RFX1: variants seen among roughly 807,000 people sequenced by gnomAD.
The protein encoded by RFX1 is MHC class II regulatory factor RFX1.
A neutral mutation model predicts 119.6 loss-of-function variants in RFX1; 42 were observed. That is an observed-to-expected ratio of 0.35 (90% CI 0.27 to 0.45). The LOEUF (loss-of-function observed/expected upper bound fraction) is 0.45. Ranked by LOEUF, RFX1 falls within the 20% of genes least tolerant of loss-of-function variation. The probability of loss-of-function intolerance (pLI) is 1.00; values close to 1 mark genes in which losing one functional copy is unlikely to be tolerated. For missense variants in RFX1, 1,118 were observed against 1,368.1 expected (o/e 0.82, Z 2.88); for synonymous variants, 628 against 618.5 (o/e 1.02, Z -0.23).
chr19:13,981,051 C>A (rs946197894), intron 5 of RFX1, among the ~76,000 whole-genome samples: 1 of 152,232 alleles, frequency 6.6e-6, no homozygotes, highest in African/African-American at 2.4e-5. Flanking sequence ...AGACACTGCA[C>A]TGAGCGCTTT....
chr19:13,976,689 G>T (rs1042925875), intron 8 of RFX1, among the ~76,000 whole-genome samples: 1 of 152,220 alleles, frequency 6.6e-6, no homozygotes, highest in African/African-American at 2.4e-5. Context: ...AATGTCCTGC[G>T]TCTATTTCTG....
At chr19:14,005,195 C>A (rs1300594280) in intron 1 of RFX1, among the ~76,000 whole-genome samples, 1 of 152,200 alleles carries the variant, frequency 6.6e-6, no homozygotes, top group African/African-American at 2.4e-5. Flanking sequence ...CAAACAGCAG[C>A]CCAGAGAAAA....
At chr19:14,004,101 T>C (rs1408568725) in intron 1 of RFX1, among the ~76,000 whole-genome samples, 6 of 152,122 alleles carry the variant, frequency 3.9e-5, no homozygotes, top group Admixed American at 1.3e-4. Flanking sequence ...GGTTTCACCA[T>C]GTTGGCCGGG....
At chr19:13,964,357 T>A (rs986570866) in intron 16 of RFX1, among the ~76,000 whole-genome samples, 11 of 151,854 alleles carry the variant, frequency 7.2e-5, no homozygotes, top group African/African-American at 2.7e-4. Flanking sequence ...TCCCAAAATG[T>A]TGGGAGTGAG....
At chr19:13,971,887 TC>T (rs1232230005) in intron 9 of RFX1, among the ~76,000 whole-genome samples, 1 of 152,070 alleles carries the variant, frequency 6.6e-6, no homozygotes, top group African/African-American at 2.4e-5. Context: ...ACGCCTATAG[TC>T]CCAGCTACTC....
intron 8 of RFX1, among the ~76,000 whole-genome samples, chr19:13,973,554 G>A (rs1000765144): frequency 6.6e-6 from 1 of 152,130 alleles, no homozygotes; most frequent in African/African-American, 2.4e-5. Context: ...CAAGGTTGTA[G>A]TGAGCTATAA....
intron 7 of RFX1, among the ~76,000 whole-genome samples, chr19:13,978,842 G>A (rs1033946726): frequency 6.6e-6 from 1 of 152,140 alleles, no homozygotes; most frequent in Admixed American, 6.5e-5. Context: ...GCCGGGAGCC[G>A]GGACAGTGGC....
rs966566656 is a variant in RFX1 at position 14,005,068 on chromosome 19, C to G, written c.-53+1035G>C. On this transcript the variant is annotated intron_variant, in intron 1 of 20. Coordinates refer to ENST00000254325, the MANE Select transcript of RFX1 (RefSeq NM_002918.5). Reference sequence around the variant, plus strand: ...GGGTTTAAAAAATCTAAGAAACTTCCTCAGGCTTCATTTGCTCCCCCATTC... The same window carrying G: ...GGGTTTAAAAAATCTAAGAAACTTCGTCAGGCTTCATTTGCTCCCCCATTC... 3.3e-5 allele frequency among the ~76,000 whole-genome samples: 5 copies of G among 152,170 alleles called. No individual in the cohort carries two copies. The East Asian group carries it at 9.6e-4, about 29-fold the overall frequency.
intron 1 of RFX1, among the ~76,000 whole-genome samples, chr19:14,003,506 G>A (rs1043539806): frequency 3.9e-5 from 6 of 152,074 alleles, no homozygotes; most frequent in Admixed American, 6.6e-5. Flanking sequence ...AGCCAACGGT[G>A]TATTTCCGAG....
chr19:13,962,836 G>C lies in RFX1; in HGVS notation c.2799C>G (p.Ser933Arg), dbSNP rs1386839521. The change falls in exon 21 of 21, where the codon AGC becomes AGG. Residue 933 changes from serine (S) to arginine (R), a missense_variant. Ser to Arg is a moderately radical substitution (Grantham distance 110). This residue lies in a region of RFX1 where 138 missense variants were observed against 117.8 expected (regional missense o/e 1.17). Transcript: ENST00000254325. ...AGATGTCCTGCGGCAGCTCGTCCTC[G>C]CTCTCCTCCTCCTCTTCTTCCTCCT... Reference protein sequence around the residue: ...KDEEEEEEEESEDELPQDISL... With the variant: ...KDEEEEEEEEREDELPQDISL... 6.5e-7 allele frequency: 1 copy of C among 1,527,856 alleles called. No homozygotes were observed. Among genetic ancestry groups the C allele is most frequent in the East Asian group, 2.5e-5 (1 of 40,680 alleles). The allele number at this position is 1,527,856 out of a possible 1,614,324, so 94.6% of individuals were successfully genotyped here. A position where few individuals can be genotyped will look rare whatever the true frequency, so the allele number is the denominator to read the frequency against.
chr19:13,991,715 G>A (rs1974808141), intron 2 of RFX1, among the ~76,000 whole-genome samples: 2 of 151,966 alleles, frequency 1.3e-5, no homozygotes, highest in East Asian at 1.9e-4. Context: ...AGGCTGGAGC[G>A]CAGTGGCACG....
intron 8 of RFX1, among the ~76,000 whole-genome samples, chr19:13,974,020 G>A (rs1974175406): frequency 2.0e-5 from 3 of 152,030 alleles, no homozygotes; most frequent in Admixed American, 2.0e-4. Flanking sequence ...AAATAAAATT[G>A]GCAAGTACTT....
chr19:13,999,840 T>A (rs888157847), intron 1 of RFX1, among the ~76,000 whole-genome samples: 1 of 152,126 alleles, frequency 6.6e-6, no homozygotes, highest in African/African-American at 2.4e-5. Flanking sequence ...CATGCCTGGC[T>A]AGCTTTTGTA....
chr19:14,004,715 A>G (rs1975316535), intron 1 of RFX1, among the ~76,000 whole-genome samples: 1 of 152,130 alleles, frequency 6.6e-6, no homozygotes, highest in Non-Finnish European at 1.5e-5. Context: ...AAAGCCTGAA[A>G]TGATCCTTTT....
In RFX1 at chr19:13,969,866, CGAG is replaced by C. The variant is rs1974019973; in HGVS notation, c.1496+125_1496+127del. 2.0e-5 allele frequency: 18 copies of C among 905,094 alleles called. No homozygotes were observed. In the East Asian group the frequency reaches 3.8e-4, roughly 19 times the overall value. The allele number at this position is 905,094 out of a possible 1,614,324, so 56.1% of individuals were successfully genotyped here. A position where few individuals can be genotyped will look rare whatever the true frequency, so the allele number is the denominator to read the frequency against. ...CTAGAGTGGGAGTGAGCGGGGCTGT[CGAG>C]GAGCCTCGCAGAGGCCGGCGGGACT... On this transcript the variant is annotated intron_variant, in intron 10 of 20. Transcript: ENST00000254325. This position sits in a 1 kb window ranked among gnomAD's most constrained non-coding sequence, Gnocchi z 4.5.
At chr19:13,987,895 C>A (rs1355990538) in intron 2 of RFX1, among the ~76,000 whole-genome samples, 1 of 152,192 alleles carries the variant, frequency 6.6e-6, no homozygotes, top group South Asian at 2.1e-4. Context: ...GAGTACCCTC[C>A]TGGGAACACT....
At position 13,983,510 on chromosome 19, in the gene RFX1, A is replaced by C; in HGVS notation, c.405T>G (p.Val135=). ...CCTGCTGGGTGCCCTGCACCTGCTG[A>C]ACCACCTGAGTAGGAACGCCGGTCT... ...ASQTGVPTQV[V]QQVQGTQQRL... is the part of the protein sequence containing the mutation. The change falls in exon 3 of 21, where the codon GTT becomes GTG. Residue 135 remains valine, a synonymous_variant. Coordinates refer to ENST00000254325, the MANE Select transcript of RFX1 (RefSeq NM_002918.5). 1 of 1,611,092 alleles carries C rather than the reference A, an allele frequency of 6.2e-7. No individual in the cohort carries two copies. The highest frequency in any genetic ancestry group is 8.5e-7 in the Non-Finnish European group (1 of 1,179,438).
chr19:13,968,674 C>T lies in RFX1; in HGVS notation c.1623G>A (p.Lys541=). The T allele has an allele frequency of 6.2e-7, 1 of 1,613,028 alleles. No individual in the cohort carries two copies. The highest frequency in any genetic ancestry group is 8.5e-7 in the Non-Finnish European group (1 of 1,179,882). The change falls in exon 12 of 21, where the codon AAG becomes AAA. Residue 541 remains lysine (K), a synonymous_variant. Transcript: ENST00000254325. This position sits in a 1 kb window ranked among gnomAD's most constrained non-coding sequence, Gnocchi z 5.5. The part of the protein sequence containing the change: ...GQPFSQKQRL[K]PIQKMEGMTN... Reference sequence around the variant, plus strand: ...TCATGCCTTCCATCTTCTGGATGGGCTTGAGCCTGGAGTAGAATGGGCAGG... The same window carrying T: ...TCATGCCTTCCATCTTCTGGATGGGTTTGAGCCTGGAGTAGAATGGGCAGG...
Position 13,962,683 on chromosome 19 carries a change from G to GGGGGGGGGCC in RFX1, c.*11_*12insGGCCCCCCCC. 1.1e-6 allele frequency: 1 copy of GGGGGGGGGCC among 878,490 alleles called. No individual in the cohort carries two copies. Among genetic ancestry groups the GGGGGGGGGCC allele is most frequent in the Non-Finnish European group, 1.6e-6 (1 of 624,636 alleles). 54.4% of individuals were successfully genotyped at this position (878,490 alleles called of 1,614,324 possible). The stretch of plus-strand genomic sequence containing the variant: ...GGGTGGCGGGGGCGGGTGGGGCGGG[G>GGGGGGGGGCC]AGGCCAAGGGCTTAGCTGGAGGGCA... On this transcript the variant is annotated 3_prime_UTR_variant, in exon 21 of 21. Transcript: ENST00000254325.
Sources: gnomAD v4.1 joint callset for allele counts (sites outside exome capture counted in the v4.1 genomes callset) on GRCh38, gnomAD v4.1.1 for gene constraint, gnomAD v4.1.1 regional missense constraint, Gnocchi (gnomAD v3.1) non-coding constraint, MANE v1.5 for transcripts, NCBI Gene and HGNC (gene_info 2026-07-23, HGNC 2026-07-21) for gene names.